GTF3C1: variants seen among roughly 807,000 people sequenced by gnomAD.
GTF3C1 encodes the protein general transcription factor IIIC subunit 1.
In GTF3C1, 57 loss-of-function variants were observed where a neutral mutation model predicts 226.7. The observed-to-expected ratio is 0.25, with a 90% confidence interval of 0.20 to 0.31. GTF3C1 has a LOEUF of 0.31. Ranked by LOEUF, GTF3C1 falls within the 10% of genes least tolerant of loss-of-function variation. GTF3C1 has a pLI of 1.00. For missense variants in GTF3C1, 2,217 were observed against 2,776.1 expected, an observed-to-expected ratio of 0.80 and a Z score of 4.53; for synonymous variants, 1,090 against 1,084.8, an observed-to-expected ratio of 1.00 and a Z score of -0.09.
At chr16:27,475,081 A>C (rs964846971) in intron 29 of GTF3C1, among the ~76,000 whole-genome samples, 5 of 152,212 alleles carry the variant, frequency 3.3e-5, no homozygotes, top group African/African-American at 1.2e-4. Context: ...CATTTCCCCC[A>C]GTCCTCCCTG....
intron 32 of GTF3C1, among the ~76,000 whole-genome samples, chr16:27,466,843 T>G (rs889866233): frequency 6.6e-6 from 1 of 152,240 alleles, no homozygotes; most frequent in Non-Finnish European, 1.5e-5. Context: ...AACCTTCCCT[T>G]AAGCCAAAGC....
At position 27,495,285 on chromosome 16, in the gene GTF3C1, C is replaced by T. The variant is rs149348477; in HGVS notation, c.2558G>A (p.Cys853Tyr). 321 of 1,613,178 alleles carry T rather than the reference C, an allele frequency of 2.0e-4. 1 individual carries two copies. The highest frequency in any genetic ancestry group is 3.3e-4 in the Middle Eastern group (2 of 6,084). Residue 853 changes from cysteine to tyrosine, a missense_variant, in exon 15 of 37, where the codon TGC becomes TAC. Coordinates refer to ENST00000356183, the MANE Select transcript of GTF3C1 (RefSeq NM_001520.4). ...PSSSGSAWEA[C>Y]SEAPSKGSQD... The stretch of plus-strand genomic sequence containing the variant: ...GCTGCCTTTAGATGGGGCTTCAGAG[C>T]AGGCCTCCCAGGCACTTCCAGAGGA...
At chr16:27,518,190 C>T (rs2088690916) in intron 6 of GTF3C1, among the ~76,000 whole-genome samples, 1 of 148,024 alleles carries the variant, frequency 6.8e-6, no homozygotes, top group Non-Finnish European at 1.5e-5. Context: ...CCGCCCAAGA[C>T]ACACACACAC....
At chr16:27,497,925 G>T (rs1007166169) in intron 13 of GTF3C1, 104 bp from the exon 14 acceptor site, 12 of 941,336 alleles carry the variant, frequency 1.3e-5, no homozygotes, top group Non-Finnish European at 1.9e-5. Context: ...TGGCCTGGGG[G>T]TTTCAAATTC....
chr16:27,461,039 T>C lies in GTF3C1; in HGVS notation c.*311A>G, dbSNP rs755556739. Reference sequence around the variant, plus strand: ...CTGCCGAGATGGCTAGAGTCTGGAATGTGAGGTGTGCACAGGCGGGGCAAA... The same window carrying C: ...CTGCCGAGATGGCTAGAGTCTGGAACGTGAGGTGTGCACAGGCGGGGCAAA... On this transcript the variant is annotated 3_prime_UTR_variant, in exon 37 of 37. Transcript: ENST00000356183. The surrounding 1 kb of genome is among the most constrained non-coding windows in gnomAD (Gnocchi z 5.3). The C allele has an allele frequency of 7.0e-6, 2 of 284,662 alleles. No homozygotes were observed. The highest frequency in any genetic ancestry group is 2.1e-5 in the African/African-American group (1 of 47,442). 17.6% of individuals were successfully genotyped at this position (284,662 alleles called of 1,614,324 possible).
chr16:27,488,691 G>T, intron 21 of GTF3C1, 56 bp from the exon 22 acceptor site: 1 of 1,415,266 alleles, frequency 7.1e-7, no homozygotes, highest in Non-Finnish European at 9.9e-7. Flanking sequence ...ATCCCCAGCC[G>T]CCCAGAGTAA....
rs2089021263 is a variant in GTF3C1 at position 27,537,675 on chromosome 16, TATG to T, written c.752+106_752+108del. ...CTCCCACCTCAGCCTCCCAAAGGGC[TATG>T]ATTACAGGTATGAGCCACTGTACCC... is the stretch of plus-strand genomic sequence containing the variant. On this transcript the variant is annotated intron_variant, in intron 4 of 36. Coordinates refer to ENST00000356183, the MANE Select transcript of GTF3C1 (RefSeq NM_001520.4). 18 of 744,592 alleles carry T rather than the reference TATG, an allele frequency of 2.4e-5. No individual in the cohort carries two copies. The South Asian group carries it at 3.5e-4, about 14-fold the overall frequency. The allele number at this position is 744,592 out of a possible 1,614,324, so 46.1% of individuals were successfully genotyped here.
intron 14 of GTF3C1, among the ~76,000 whole-genome samples, chr16:27,497,104 C>T (rs911316580): frequency 7.9e-5 from 12 of 152,210 alleles, no homozygotes; most frequent in African/African-American, 2.9e-4. Context: ...TGCCCTCCTT[C>T]CTGAACCAGC....
At chr16:27,539,908 C>T (rs2089057070) in intron 2 of GTF3C1, among the ~76,000 whole-genome samples, 1 of 152,090 alleles carries the variant, frequency 6.6e-6, no homozygotes, top group African/African-American at 2.4e-5. Context: ...TTGTGGTATT[C>T]TGTTGTATCA....
At chr16:27,464,228 C>CA (rs1156324985) in intron 34 of GTF3C1, 92 bp downstream of exon 34, 2 of 754,690 alleles carry the variant, frequency 2.7e-6, no homozygotes, top group East Asian at 3.3e-5. Flanking sequence ...GCAGGTCCCC[C>CA]ATCCTCGGAG....
intron 7 of GTF3C1, among the ~76,000 whole-genome samples, chr16:27,509,407 T>C (rs1310202591): frequency 6.6e-6 from 1 of 152,142 alleles, no homozygotes; most frequent in Admixed American, 6.5e-5. Flanking sequence ...GTCCCAGCAG[T>C]AAAGCACATG....
chr16:27,463,621 A>C lies in GTF3C1; in HGVS notation c.5873-29T>G. The C allele has an allele frequency of 7.0e-7, 1 of 1,437,090 alleles. No homozygotes were observed. Among genetic ancestry groups the C allele is most frequent in the Non-Finnish European group, 9.8e-7 (1 of 1,018,070 alleles). 89.0% of individuals were successfully genotyped at this position (1,437,090 alleles called of 1,614,324 possible). On this transcript the variant is annotated intron_variant, in intron 34 of 36. Coordinates refer to ENST00000356183, the MANE Select transcript of GTF3C1 (RefSeq NM_001520.4). This position sits in a 1 kb window ranked among gnomAD's most constrained non-coding sequence, Gnocchi z 4.9. ...AGGGAAGAGGAAGAGAATGTGAGAG[A>C]CTCGGAAAGTCAGGGAAGCCATCTC...
intron 4 of GTF3C1, 80 bp downstream of exon 4, chr16:27,537,704 A>G: frequency 1.0e-6 from 1 of 994,398 alleles, no homozygotes; most frequent in Admixed American, 2.2e-5. Context: ...CACTGTACCC[A>G]GCTGCCCCTA....
intron 32 of GTF3C1, among the ~76,000 whole-genome samples, chr16:27,468,012 G>T (rs896150237): frequency 1.2e-4 from 19 of 152,032 alleles, no homozygotes; most frequent in African/African-American, 4.3e-4. Context: ...TGTGATTCAT[G>T]GGAGGTGGTC....
At chr16:27,527,889 G>T (rs1298501750) in intron 6 of GTF3C1, among the ~76,000 whole-genome samples, 1 of 151,716 alleles carries the variant, frequency 6.6e-6, no homozygotes, top group Non-Finnish European at 1.5e-5. Context: ...CGGGAGGATC[G>T]TTTGAGCCCA....
chr16:27,463,801 A>G lies in GTF3C1; in HGVS notation c.5873-209T>C. 1 of 589,278 alleles carries G rather than the reference A, an allele frequency of 1.7e-6. No individual in the cohort carries two copies. Among genetic ancestry groups the G allele is most frequent in the Non-Finnish European group, 3.0e-6 (1 of 334,424 alleles). 36.5% of individuals were successfully genotyped at this position (589,278 alleles called of 1,614,324 possible). On this transcript the variant is annotated intron_variant, in intron 34 of 36. Transcript: ENST00000356183. The surrounding 1 kb of genome is among the most constrained non-coding windows in gnomAD (Gnocchi z 4.9). ...GACTGCCGCACACAGCGCCACATGC[A>G]AGCAGCGTCCCAGGCCCGGACAAGC...
chr16:27,542,276 G>C (rs1318204683), intron 2 of GTF3C1, among the ~76,000 whole-genome samples: 1 of 152,134 alleles, frequency 6.6e-6, no homozygotes, highest in East Asian at 1.9e-4. Context: ...TTAACTACCA[G>C]TATGCCGGGT....
rs776201922 is a variant in GTF3C1, at chr16:27,506,956, C to T, written c.1443G>A (p.Glu481=). Residue 481 remains glutamate (E), a synonymous_variant, in exon 9 of 37, where the codon GAG becomes GAA. Coordinates refer to ENST00000356183, the MANE Select transcript of GTF3C1 (RefSeq NM_001520.4). ...EDTFLSESDS[E]EERSSSKRRG... ...TCCGCTTGCTGCTGCTCCTCTCCTC[C>T]TCACTGTCCGACTCAGAGAGGAAGG... 1.2e-6 allele frequency: 2 copies of T among 1,613,758 alleles called. No homozygotes were observed. The highest frequency in any genetic ancestry group is 2.2e-5 in the South Asian group (2 of 91,068).
intron 6 of GTF3C1, among the ~76,000 whole-genome samples, chr16:27,517,247 T>C (rs2088672022): frequency 6.6e-6 from 1 of 152,200 alleles, no homozygotes; most frequent in South Asian, 2.1e-4. Context: ...CCCACAGTTC[T>C]AGAGTTTTAC....
Sources: allele counts gnomAD v4.1 joint callset (sites outside exome capture counted in the v4.1 genomes callset), GRCh38; gene constraint gnomAD v4.1.1; non-coding constraint Gnocchi (gnomAD v3.1); transcripts MANE v1.5; gene names NCBI Gene and HGNC (gene_info 2026-07-23, HGNC 2026-07-21).